The following GIGYF2 variants were observed in gnomAD, a reference collection of about 807,000 sequenced individuals.
GIGYF2 encodes GRB10 interacting GYF protein 2, also known as GRB10-interacting GYF protein 2.
Under a neutral mutation model 208.1 loss-of-function variants are expected in GIGYF2, and 25 were observed. That is an observed-to-expected ratio of 0.12 (90% CI 0.09 to 0.17). The LOEUF is 0.17. Among genes scored for constraint, GIGYF2 ranks in the 10% least tolerant of loss-of-function variants. GIGYF2 has a pLI of 1.00. For missense variants in GIGYF2, 1,302 were observed against 1,579.4 expected, an observed-to-expected ratio of 0.82 and a Z score of 2.98; for synonymous variants, 534 against 543.8, an observed-to-expected ratio of 0.98 and a Z score of 0.25.
chr2:232,809,303 A>C (rs1214793904), intron 15 of GIGYF2, among the ~76,000 whole-genome samples: 2 of 152,180 alleles, frequency 1.3e-5, no homozygotes, highest in Non-Finnish European at 2.9e-5. Flanking sequence ...CTTATATACC[A>C]TTATAAAATT....
At chr2:232,842,368 T>A (rs1038597490) in intron 23 of GIGYF2, among the ~76,000 whole-genome samples, 4 of 152,234 alleles carry the variant, frequency 2.6e-5, no homozygotes, top group Non-Finnish European at 5.9e-5. Context: ...TGTTGAGCTT[T>A]TAATATATGC....
chr2:232,707,677 A>G (rs114547586), intron 2 of GIGYF2, among the ~76,000 whole-genome samples: 7,488 of 141,962 alleles, frequency 0.053, 269 homozygotes, highest in East Asian at 0.18. Flanking sequence ...TCGCTCTTTC[A>G]TCCAGGCTGG....
Position 232,756,233 on chromosome 2 carries a change from C to G in GIGYF2, c.278C>G (p.Ser93Cys). The change falls in exon 6 of 29, where the codon TCC becomes TGC. Residue 93 changes from serine to cysteine, a missense_variant. Physicochemically the swap from Ser to Cys is moderately radical, Grantham distance 112 (BLOSUM62 -1). Around this residue, in one of 8 missense-constraint regions of GIGYF2, gnomAD observed 189 missense variants for 257.7 expected, o/e 0.73. Transcript: ENST00000373563. ...PFTEEEQRNF[S>C]MSVNSAAVLR... ...TTTTTTTTTTGGCAGAGAAACTTTT[C>G]CATGTCTGTAAATAGTGCTGCTGTC... is the stretch of plus-strand genomic sequence containing the variant. 2 of 844,510 alleles carry G rather than the reference C, an allele frequency of 2.4e-6. No individual in the cohort carries two copies. Among genetic ancestry groups the G allele is most frequent in the Non-Finnish European group, 3.3e-6 (2 of 607,278 alleles). 52.3% of individuals were successfully genotyped at this position (844,510 alleles called of 1,614,324 possible).
At chr2:232,852,514 C>CTCCA (rs1433669811) in intron 28 of GIGYF2, among the ~76,000 whole-genome samples, 1 of 152,102 alleles carries the variant, frequency 6.6e-6, no homozygotes, top group Non-Finnish European at 1.5e-5. Context: ...CGCCACTGCA[C>CTCCA]TCCAGCCTGT....
chr2:232,729,710 C>A, intron 2 of GIGYF2: 1 of 762,608 alleles, frequency 1.3e-6, no homozygotes, highest in Admixed American at 1.8e-5. Context: ...TGCTTGAATG[C>A]CTCTGATGCA....
At chr2:232,724,565 TC>T (rs1218261361) in intron 2 of GIGYF2, 2 of 151,314 alleles carry the variant, frequency 1.3e-5, no homozygotes, top group Non-Finnish European at 3.0e-5. Context: ...ATTTTTTTTT[TC>T]CTTTTAGAGA....
At chr2:232,723,555 G>A (rs1312457854) in intron 2 of GIGYF2, among the ~76,000 whole-genome samples, 3 of 149,638 alleles carry the variant, frequency 2.0e-5, no homozygotes, top group Non-Finnish European at 4.4e-5. Context: ...TCAGCCTCCC[G>A]AGTAGCTGGG....
chr2:232,763,132 G>A (rs574470993), intron 8 of GIGYF2, among the ~76,000 whole-genome samples: 1 of 152,146 alleles, frequency 6.6e-6, no homozygotes, highest in Non-Finnish European at 1.5e-5. Context: ...TAATCATGGG[G>A]GGCTTGTCAA....
At chr2:232,842,847 T>C (rs539110629) in intron 23 of GIGYF2, 1 of 152,218 alleles carries the variant, frequency 6.6e-6, no homozygotes, top group South Asian at 2.1e-4. Flanking sequence ...AGACAGGGAA[T>C]GTTCGGTTTT....
chr2:232,746,737 T>G (rs952390194), intron 3 of GIGYF2, among the ~76,000 whole-genome samples: 4 of 152,192 alleles, frequency 2.6e-5, no homozygotes, highest in African/African-American at 2.4e-5. Context: ...CTCTTTGTAC[T>G]TTACTGCATT....
rs758823210 is a variant in GIGYF2, at chr2:232,735,257, ATCT to A, written c.41+24_41+26del. 32 of 1,539,908 alleles carry A rather than the reference ATCT, an allele frequency of 2.1e-5. No individual in the cohort carries two copies. The highest frequency in any genetic ancestry group is 1.3e-4 in the East Asian group (6 of 44,548). On this transcript the variant is annotated intron_variant, in intron 3 of 28. Transcript: ENST00000373563. ...CTGAATGGTGAGTTTTCAAAATCTC[ATCT>A]TCTTTGATATTGGATGACTAATACA...
intron 3 of GIGYF2, 106 bp downstream of exon 3, chr2:232,735,344 T>G (rs1449476911): frequency 1.3e-6 from 1 of 795,930 alleles, no homozygotes; most frequent in Non-Finnish European, 2.2e-6. Flanking sequence ...TTTGAAACTT[T>G]TGCTTTATGT....
chr2:232,826,690 A>G (rs1689514183), intron 21 of GIGYF2, among the ~76,000 whole-genome samples: 1 of 152,242 alleles, frequency 6.6e-6, no homozygotes, highest in Non-Finnish European at 1.5e-5. Flanking sequence ...ATTTACAAGA[A>G]AAAAACAACC....
chr2:232,764,369 C>T (rs1698864321), intron 8 of GIGYF2: 1 of 152,230 alleles, frequency 6.6e-6, no homozygotes, highest in Admixed American at 6.5e-5. Context: ...GTGATAGGCC[C>T]ATTGTCTTTT....
intron 5 of GIGYF2, among the ~76,000 whole-genome samples, chr2:232,755,932 TAG>T (rs1024959337): frequency 1.6e-4 from 24 of 152,322 alleles, no homozygotes; most frequent in Admixed American, 1.4e-3. Context: ...TGTGTATATA[TAG>T]AGTGTTTAGT....
chr2:232,761,288 T>C (rs1412976292), intron 7 of GIGYF2, 108 bp from the exon 8 acceptor site: 9 of 733,382 alleles, frequency 1.2e-5, no homozygotes, highest in Non-Finnish European at 2.2e-5. Context: ...TTATTTGTTT[T>C]GTAATTTGAA....
chr2:232,792,738 A>G (rs574629215), intron 12 of GIGYF2, among the ~76,000 whole-genome samples: 1 of 152,274 alleles, frequency 6.6e-6, no homozygotes, highest in African/African-American at 2.4e-5. Flanking sequence ...TGAGACTGAT[A>G]TATCTTTGAG....
At chr2:232,788,056 T>C (rs758639522) in intron 9 of GIGYF2, 1 of 154,018 alleles carries the variant, frequency 6.5e-6, no homozygotes, top group Non-Finnish European at 1.4e-5. Context: ...TGTGGGGTCA[T>C]GCAAAACTGA....
chr2:232,855,883 C>G (rs577447178), intron 28 of GIGYF2, among the ~76,000 whole-genome samples: 2 of 152,158 alleles, frequency 1.3e-5, no homozygotes, highest in African/African-American at 4.8e-5. Flanking sequence ...CACTCACATC[C>G]CATTCTTTTC....
Sources: gnomAD v4.1 joint callset for allele counts (sites outside exome capture counted in the v4.1 genomes callset) on GRCh38, gnomAD v4.1.1 for gene constraint, gnomAD v4.1.1 regional missense constraint, MANE v1.5 for transcripts, NCBI Gene and HGNC (gene_info 2026-07-23, HGNC 2026-07-21) for gene names.